RARB: variants seen among roughly 807,000 people sequenced by gnomAD.
The protein encoded by RARB is HBV-activated protein.
RARB carries 17 observed loss-of-function variants against 51.9 expected under a neutral mutation model. That is an observed-to-expected ratio of 0.33 (90% CI 0.22 to 0.49). RARB has a LOEUF of 0.49. Among genes scored for constraint, RARB ranks in the 20% least tolerant of loss-of-function variants. The pLI, the probability that RARB is intolerant of heterozygous loss-of-function variation, is 0.99. For missense variants in RARB, 369 were observed against 550.8 expected, an observed-to-expected ratio of 0.67 and a Z score of 3.30; for synonymous variants, 215 against 195.4, an observed-to-expected ratio of 1.10 and a Z score of -0.84.
intron 3 of RARB, among the ~76,000 whole-genome samples, chr3:25,130,147 G>C (rs549224707): frequency 6.6e-6 from 1 of 152,116 alleles, no homozygotes; most frequent in East Asian, 1.9e-4. Context: ...CCTCTTTTAT[G>C]TATGCTATGT....
intron 3 of RARB, among the ~76,000 whole-genome samples, chr3:25,066,411 G>A (rs1698663272): frequency 6.6e-6 from 1 of 152,140 alleles, no homozygotes; most frequent in Admixed American, 6.6e-5. Flanking sequence ...TGAGAATCAG[G>A]AGTAACAGGC....
chr3:25,293,618 A>T (rs949630457), intron 5 of RARB, among the ~76,000 whole-genome samples: 3 of 145,508 alleles, frequency 2.1e-5, no homozygotes, highest in African/African-American at 7.7e-5. Context: ...AAAAAAAAAA[A>T]GTTCAGAGAT....
At chr3:25,456,682 T>TATATATATATATAGAGAG (rs1491372969) in intron 1 of RARB, among the ~76,000 whole-genome samples, 3 of 88,362 alleles carry the variant, frequency 3.4e-5, no homozygotes, top group African/African-American at 1.4e-4. Flanking sequence ...TATATATATA[T>TATATATATATATAGAGAG]AGAGAGAGAG....
chr3:25,210,159 A>C (rs1197134191), intron 5 of RARB, among the ~76,000 whole-genome samples: 1 of 152,188 alleles, frequency 6.6e-6, no homozygotes. Context: ...GATACTAGCT[A>C]GCAGAAAAGA....
intron 2 of RARB, among the ~76,000 whole-genome samples, chr3:24,890,362 G>T (rs1171445157): frequency 6.6e-6 from 1 of 152,114 alleles, no homozygotes; most frequent in Non-Finnish European, 1.5e-5. Context: ...CTTATAGGAG[G>T]GATTCCAGAA....
chr3:25,548,642 C>CAAA (rs35411774), intron 3 of RARB, among the ~76,000 whole-genome samples: 1,275 of 73,526 alleles, frequency 0.017, 21 homozygotes, highest in Non-Finnish European at 0.023. Flanking sequence ...CCTCCCCCGA[C>CAAA]AAAAAAAAAA....
At chr3:25,589,890 G>A (rs939140905) in intron 5 of RARB, among the ~76,000 whole-genome samples, 3 of 151,876 alleles carry the variant, frequency 2.0e-5, no homozygotes, top group Non-Finnish European at 2.9e-5. Flanking sequence ...AACAAAGAGT[G>A]TTTTAATCCT....
intron 3 of RARB, among the ~76,000 whole-genome samples, chr3:25,094,821 T>C (rs1024455261): frequency 5.3e-5 from 8 of 151,998 alleles, no homozygotes; most frequent in African/African-American, 1.9e-4. Context: ...TAGGTTGTCT[T>C]GTGCCAAAGC....
At chr3:24,864,994 A>G (rs977792582) in intron 2 of RARB, among the ~76,000 whole-genome samples, 2 of 152,094 alleles carry the variant, frequency 1.3e-5, no homozygotes, top group Non-Finnish European at 2.9e-5. Flanking sequence ...TCCTCTCCTA[A>G]ATAGGTATTA....
chr3:25,260,059 G>A (rs1702959624), intron 5 of RARB: 1 of 932,224 alleles, frequency 1.1e-6, no homozygotes, highest in African/African-American at 1.8e-5. Flanking sequence ...TTCGTGTGTG[G>A]CTGGTTTTCT....
intron 2 of RARB, among the ~76,000 whole-genome samples, chr3:24,976,534 T>G (rs192895169): frequency 6.6e-6 from 1 of 152,344 alleles, no homozygotes; most frequent in East Asian, 1.9e-4. Context: ...TGATGAGCAT[T>G]TTTTCATGTG....
intron 3 of RARB, among the ~76,000 whole-genome samples, chr3:25,071,374 G>A (rs572259563): frequency 2.6e-5 from 4 of 152,226 alleles, no homozygotes; most frequent in Admixed American, 2.6e-4. Context: ...GATTTAATCT[G>A]AGACTTTGCA....
chr3:25,510,052 T>G (rs1423058500), intron 3 of RARB, among the ~76,000 whole-genome samples: 1 of 152,110 alleles, frequency 6.6e-6, no homozygotes, highest in Non-Finnish European at 1.5e-5. Flanking sequence ...TAGTTCATGG[T>G]CATGAGGGGC....
chr3:25,450,119 G>C (rs146251705), intron 1 of RARB, among the ~76,000 whole-genome samples: 41 of 152,244 alleles, frequency 2.7e-4, no homozygotes, highest in African/African-American at 9.6e-4. Flanking sequence ...GCTTAGAGTA[G>C]AGTGAAGGAG....
chr3:25,056,112 G>A (rs931695404), intron 2 of RARB, among the ~76,000 whole-genome samples: 2 of 152,122 alleles, frequency 1.3e-5, no homozygotes, highest in Non-Finnish European at 2.9e-5. Context: ...GCAGGGAGAG[G>A]TTTCAGGGGG....
intron 2 of RARB, among the ~76,000 whole-genome samples, chr3:24,906,812 T>G (rs1262773488): frequency 6.6e-5 from 8 of 120,498 alleles, no homozygotes; most frequent in Admixed American, 1.1e-4. Flanking sequence ...GCCACTGCGC[T>G]CCAGCCTGGA....
At chr3:25,056,493 T>C (rs1338758705) in intron 2 of RARB, among the ~76,000 whole-genome samples, 4 of 152,120 alleles carry the variant, frequency 2.6e-5, no homozygotes, top group African/African-American at 9.7e-5. Context: ...ACAGAAAACT[T>C]TCTAGAATAC....
At chr3:25,492,662 C>A (rs192614488) in intron 2 of RARB, among the ~76,000 whole-genome samples, 1 of 150,054 alleles carries the variant, frequency 6.7e-6, no homozygotes, top group Non-Finnish European at 1.5e-5. Context: ...ATATTCTTCT[C>A]GAAAGATTAG....
intron 2 of RARB, among the ~76,000 whole-genome samples, chr3:25,489,363 T>C (rs923392572): frequency 6.6e-6 from 1 of 152,216 alleles, no homozygotes; most frequent in African/African-American, 2.4e-5. Flanking sequence ...ATTTATGATA[T>C]TAGAGTTTTA....
Sources: gnomAD v4.1 joint callset for allele counts (sites outside exome capture counted in the v4.1 genomes callset) on GRCh38, gnomAD v4.1.1 for gene constraint, MANE v1.5 for transcripts, NCBI Gene and HGNC (gene_info 2026-07-23, HGNC 2026-07-21) for gene names.